Variants in RARB observed in about 807,000 individuals in gnomAD.
RARB encodes the protein retinoic acid receptor beta.
RARB carries 17 observed loss-of-function variants against 51.9 expected under a neutral mutation model. The observed-to-expected ratio is 0.33, with a 90% CI of 0.22 to 0.49. The LOEUF is 0.49. Among genes scored for constraint, RARB ranks in the 20% least tolerant of loss-of-function variants. RARB has a pLI of 0.99. For missense variants in RARB, 369 were observed against 550.8 expected (o/e 0.67, Z 3.30); for synonymous variants, 215 against 195.4 (o/e 1.10, Z -0.84).
chr3:25,427,936 C>T (rs1385475780), upstream of RARB, among the ~76,000 whole-genome samples: 3 of 152,152 alleles, frequency 2.0e-5, no homozygotes, highest in Non-Finnish European at 4.4e-5. Context: ...CAAGCTAAGC[C>T]GCCGCAAATA....
At chr3:24,842,777 T>TTC (rs1308003112) in intron 1 of RARB, among the ~76,000 whole-genome samples, 2 of 152,242 alleles carry the variant, frequency 1.3e-5, no homozygotes, top group Non-Finnish European at 2.9e-5. Context: ...ATATCACTCT[T>TTC]TATTTTGTGA....
At position 25,152,924 on chromosome 3, in the gene RARB, A is replaced by G. The variant is rs368123639; in HGVS notation, c.-280+20716A>G. On this transcript the variant is annotated intron_variant, in intron 4 of 11. Coordinates refer to the RARB transcript ENST00000383772. ...ATCTAAAACTTCGGAAAATAGGTGG[A>G]CTGCAGTGTTTGATACAAACTTCTT... Among the ~76,000 whole-genome samples, 18 of 152,322 alleles carry G rather than the reference A, an allele frequency of 1.2e-4. No individual in the cohort carries two copies. The East Asian group carries it at 2.3e-3, about 20-fold the overall frequency.
At chr3:25,544,286 T>C (rs1160908186) in intron 3 of RARB, among the ~76,000 whole-genome samples, 3 of 152,180 alleles carry the variant, frequency 2.0e-5, no homozygotes, top group Non-Finnish European at 4.4e-5. Flanking sequence ...ATAATTAAGA[T>C]TTATGTATTC....
intron 2 of RARB, among the ~76,000 whole-genome samples, chr3:25,491,745 A>C (rs1396028101): frequency 6.6e-6 from 1 of 152,158 alleles, no homozygotes; most frequent in Non-Finnish European, 1.5e-5. Context: ...GTTCAAGTCC[A>C]TCCTGGCCAA....
chr3:25,134,471 A>C (rs1699999128), intron 4 of RARB, among the ~76,000 whole-genome samples: 1 of 151,992 alleles, frequency 6.6e-6, no homozygotes, highest in Non-Finnish European at 1.5e-5. Context: ...CTGCAAAATA[A>C]GGATAAAATA....
chr3:25,374,837 A>G (rs982717313), intron 5 of RARB, among the ~76,000 whole-genome samples: 4 of 152,350 alleles, frequency 2.6e-5, no homozygotes, highest in Middle Eastern at 3.4e-3. Flanking sequence ...ACACAAATGT[A>G]GCTACACTGA....
intron 1 of RARB, among the ~76,000 whole-genome samples, chr3:25,434,575 C>G (rs1365138472): frequency 1.4e-5 from 2 of 146,664 alleles, no homozygotes; most frequent in Non-Finnish European, 3.0e-5. Flanking sequence ...GGAGTCTCGC[C>G]CTGTTGCCCA....
At chr3:25,325,800 G>T (rs367672049) in intron 5 of RARB, among the ~76,000 whole-genome samples, 4 of 137,210 alleles carry the variant, frequency 2.9e-5, no homozygotes, top group African/African-American at 1.1e-4. Context: ...GTTGGGGGAA[G>T]CCAAAAACAA....
intron 5 of RARB, among the ~76,000 whole-genome samples, chr3:25,281,660 G>T (rs1703526163): frequency 6.6e-6 from 1 of 152,196 alleles, no homozygotes; most frequent in African/African-American, 2.4e-5. Flanking sequence ...GGCGTTGGGT[G>T]GTTGCCAGGG....
intron 5 of RARB, among the ~76,000 whole-genome samples, chr3:25,247,903 A>G (rs1290045980): frequency 6.6e-6 from 1 of 152,240 alleles, no homozygotes; most frequent in Non-Finnish European, 1.5e-5. Context: ...CCATTAGTCT[A>G]AAGTGCAGTT....
intron 5 of RARB, among the ~76,000 whole-genome samples, chr3:25,205,772 T>TC (rs1701525093): frequency 1.3e-5 from 2 of 151,916 alleles, no homozygotes; most frequent in Admixed American, 1.3e-4. Context: ...AGACGGGGTC[T>TC]CACTCTGTTG....
chr3:25,579,578 G>A (rs545874040), intron 4 of RARB, among the ~76,000 whole-genome samples: 1 of 152,210 alleles, frequency 6.6e-6, no homozygotes, highest in South Asian at 2.1e-4. Context: ...CATTTTCATT[G>A]CAAAGTTGTA....
intron 1 of RARB, among the ~76,000 whole-genome samples, chr3:24,842,088 C>T (rs1313162269): frequency 2.0e-5 from 3 of 152,072 alleles, no homozygotes; most frequent in African/African-American, 7.2e-5. Flanking sequence ...TATTGAGCAA[C>T]ATTCCTGAGA....
intron 4 of RARB, among the ~76,000 whole-genome samples, chr3:25,153,138 G>GTGTT (rs148888551): frequency 2.1e-5 from 2 of 93,824 alleles, no homozygotes; most frequent in African/African-American, 8.8e-5. Flanking sequence ...GAGGCAGAGT[G>GTGTT]TGTGTGTGTG....
chr3:25,073,763 G>A (rs972471588), intron 3 of RARB, among the ~76,000 whole-genome samples: 1 of 152,048 alleles, frequency 6.6e-6, no homozygotes, highest in Non-Finnish European at 1.5e-5. Flanking sequence ...AAGGATGCCT[G>A]TAAGTGGCTT....
chr3:24,932,524 G>A (rs1482989573), intron 2 of RARB, among the ~76,000 whole-genome samples: 1 of 149,786 alleles, frequency 6.7e-6, no homozygotes, highest in Non-Finnish European at 1.5e-5. Context: ...CTCTACATAT[G>A]CGTATGCATT....
intron 2 of RARB, among the ~76,000 whole-genome samples, chr3:25,030,071 G>C (rs1204878294): frequency 1.3e-5 from 2 of 152,234 alleles, no homozygotes; most frequent in Non-Finnish European, 2.9e-5. Context: ...TGAGCTTTCA[G>C]TGCTAGAATG....
At chr3:25,537,650 T>C (rs1276350189) in intron 3 of RARB, among the ~76,000 whole-genome samples, 4 of 152,166 alleles carry the variant, frequency 2.6e-5, no homozygotes, top group Non-Finnish European at 4.4e-5. Flanking sequence ...AGCTCCCTTT[T>C]ATAAGGAGGC....
chr3:25,125,919 T>A (rs1439473498), intron 3 of RARB, among the ~76,000 whole-genome samples: 1 of 152,136 alleles, frequency 6.6e-6, no homozygotes, highest in African/African-American at 2.4e-5. Context: ...CATTTTTAGG[T>A]GACTTCTCCA....
Sources: allele counts gnomAD v4.1 joint callset (sites outside exome capture counted in the v4.1 genomes callset), GRCh38; gene constraint gnomAD v4.1.1; transcripts MANE v1.5; gene names NCBI Gene and HGNC (gene_info 2026-07-23, HGNC 2026-07-21).